The following RNASEH1 variants were observed in gnomAD, a reference collection of about 807,000 sequenced individuals.
The protein encoded by RNASEH1 is ribonuclease H type II.
RNASEH1 carries 27 observed loss-of-function variants against 34.6 expected under a neutral mutation model. That is an observed-to-expected ratio of 0.78 (90% CI 0.58 to 1.08). The LOEUF (loss-of-function observed/expected upper bound fraction) is 1.08. Ranked by LOEUF, RNASEH1 falls within the 50% of genes least tolerant of loss-of-function variation. The pLI is 0.00. For missense variants in RNASEH1, 349 were observed against 373.6 expected (o/e 0.93, Z 0.54); for synonymous variants, 162 against 138.4 (o/e 1.17, Z -1.20).
At chr2:3,546,272 T>C (rs1668740265) in intron 7 of RNASEH1, among the ~76,000 whole-genome samples, 1 of 152,240 alleles carries the variant, frequency 6.6e-6, no homozygotes, top group Admixed American at 6.5e-5. Flanking sequence ...TTTACATTTA[T>C]GTTGCCAAAG....
Position 3,558,270 on chromosome 2 carries a change from C to G in RNASEH1, c.-10G>C, listed in dbSNP as rs756656582. The G allele has an allele frequency of 6.4e-7, 1 of 1,561,914 alleles. No individual in the cohort carries two copies. Among genetic ancestry groups the G allele is most frequent in the Non-Finnish European group, 8.6e-7 (1 of 1,157,806 alleles). ...ACAGAAGCCAGCTCATCGCTCACTC[C>G]CGGCACCGGGAAGCATTTCGACTCC... On this transcript the variant is annotated 5_prime_UTR_variant, in exon 1 of 8. Transcript: ENST00000315212.
intron 3 of RNASEH1, among the ~76,000 whole-genome samples, chr2:3,551,940 G>C (rs1174033802): frequency 1.3e-5 from 2 of 152,174 alleles, no homozygotes; most frequent in Non-Finnish European, 2.9e-5. Flanking sequence ...TACATGTAAG[G>C]GTTTTCCTAA....
chr2:3,538,207 C>T (rs1293171386), downstream of RNASEH1, among the ~76,000 whole-genome samples: 6 of 151,478 alleles, frequency 4.0e-5, no homozygotes, highest in East Asian at 7.8e-4. Context: ...AAAAAGTAGC[C>T]GGGCGTGGTG....
intron 1 of RNASEH1, chr2:3,557,827 T>C: frequency 7.4e-7 from 1 of 1,347,728 alleles, no homozygotes. Context: ...TACGTGTCAC[T>C]TTTTGTTGCA....
rs1339385932 is a variant in RNASEH1, at chr2:3,548,906, T to C, written c.564+152A>G. On this transcript the variant is annotated intron_variant, in intron 5 of 7. Transcript: ENST00000315212. ...ATTTGAAATAAGTTTTTAGAATTTT[T>C]CTACAAAATTCCTATTTTTCAAAAT... The C allele has an allele frequency of 7.2e-6, 6 of 836,408 alleles. No individual in the cohort carries two copies. The African/African-American group carries it at 1.0e-4, about 14-fold the overall frequency. 51.8% of individuals were successfully genotyped at this position (836,408 alleles called of 1,614,324 possible). A position where few individuals can be genotyped will look rare whatever the true frequency, so the allele number is the denominator to read the frequency against.
intron 2 of RNASEH1, among the ~76,000 whole-genome samples, chr2:3,556,068 G>A (rs768055147): frequency 4.6e-5 from 7 of 152,054 alleles, no homozygotes; most frequent in South Asian, 2.1e-4. Context: ...CAGCTACTCC[G>A]GAAGCTGAAG....
Position 3,544,619 on chromosome 2 carries a change from G to A in RNASEH1, c.*1166C>T, listed in dbSNP as rs1182831652. Among the ~76,000 whole-genome samples the A allele has an allele frequency of 2.0e-5, 3 of 152,080 alleles. No individual in the cohort carries two copies. Among genetic ancestry groups the A allele is most frequent in the Non-Finnish European group, 4.4e-5 (3 of 68,024 alleles). ...TTGGGAGAGCCTCCTGGGGTATCTGGCAAAGTACTATTTCTTCACCAGGTG... is the reference window on the plus strand; with the variant it reads ...TTGGGAGAGCCTCCTGGGGTATCTGACAAAGTACTATTTCTTCACCAGGTG... On this transcript the variant is annotated 3_prime_UTR_variant, in exon 8 of 8. Coordinates refer to ENST00000315212, the MANE Select transcript of RNASEH1 (RefSeq NM_002936.6).
At chr2:3,532,225 A>G in the RNASEH1 span, 1 of 701,730 alleles carries the variant, frequency 1.4e-6, no homozygotes, top group African/African-American at 1.7e-5. Context: ...CAAGGCATTC[A>G]CTCCGTCTGC....
chr2:3,546,774 A>G (rs1416998841), intron 7 of RNASEH1, among the ~76,000 whole-genome samples: 1 of 152,232 alleles, frequency 6.6e-6, no homozygotes, highest in Non-Finnish European at 1.5e-5. Context: ...CCATCTCAAA[A>G]CAATAAAAAA....
At chr2:3,532,251 C>T in the RNASEH1 span, 2 of 702,260 alleles carry the variant, frequency 2.8e-6, no homozygotes, top group Non-Finnish European at 2.6e-6. Context: ...TTTCTCATGA[C>T]CCTCATGTTA....
At chr2:3,558,024 C>A in intron 1 of RNASEH1, 109 bp downstream of exon 1, 1 of 1,481,152 alleles carries the variant, frequency 6.8e-7, no homozygotes, top group Non-Finnish European at 9.0e-7. Flanking sequence ...AGCCACAGCG[C>A]GCGGCACAGA....
Position 3,548,742 on chromosome 2 carries a change from A to G in RNASEH1, c.565-18T>C. 6.3e-7 allele frequency: 1 copy of G among 1,577,892 alleles called. No individual in the cohort carries two copies. Among genetic ancestry groups the G allele is most frequent in the Non-Finnish European group, 8.7e-7 (1 of 1,149,412 alleles). On this transcript the variant is annotated intron_variant, in intron 5 of 7. Transcript: ENST00000315212. ...CAGGCTGCCTTGAAAAGACAAGTCG[A>G]TAGTCATGCTACAGAAAATGTTCAA... is the stretch of plus-strand genomic sequence containing the variant.
Position 3,543,775 on chromosome 2 carries a change from T to G in RNASEH1, c.*2010A>C, listed in dbSNP as rs1208732825. 1.3e-5 allele frequency among the ~76,000 whole-genome samples: 2 copies of G among 151,840 alleles called. No homozygotes were observed. Among genetic ancestry groups the G allele is most frequent in the East Asian group, 3.9e-4 (2 of 5,190 alleles). On this transcript the variant is annotated 3_prime_UTR_variant, in exon 8 of 8. Coordinates refer to ENST00000315212, the MANE Select transcript of RNASEH1 (RefSeq NM_002936.6). ...ACAGGCAGGCACTACCACACCCACC[T>G]GATTTTATTTTAATTTTCTGTAGAG...
downstream of RNASEH1, among the ~76,000 whole-genome samples, chr2:3,538,431 C>T (rs1330708224): frequency 6.6e-6 from 1 of 152,014 alleles, no homozygotes; most frequent in Non-Finnish European, 1.5e-5. Flanking sequence ...AGTCTCATTA[C>T]CGCCCTGTTC....
downstream of RNASEH1, among the ~76,000 whole-genome samples, chr2:3,537,102 A>G (rs1250786479): frequency 6.6e-6 from 1 of 152,248 alleles, no homozygotes; most frequent in East Asian, 1.9e-4. Flanking sequence ...CCTAAATGTG[A>G]TCCCCATCAA....
rs140048476 is a variant in RNASEH1 at position 3,546,004 on chromosome 2, G to C, written c.775-133C>G. 1.5e-4 allele frequency: 100 copies of C among 676,852 alleles called. No individual in the cohort carries two copies. The Middle Eastern group carries it at 2.8e-3, about 19-fold the overall frequency. 41.9% of individuals were successfully genotyped at this position (676,852 alleles called of 1,614,324 possible). A position where few individuals can be genotyped will look rare whatever the true frequency, so the allele number is the denominator to read the frequency against. ...CTCAACTTCAACGCTCCTCTCCCCA[G>C]ACATGATCCTCAACAGCACGCTGTC... On this transcript the variant is annotated intron_variant, in intron 7 of 7. Coordinates refer to ENST00000315212, the MANE Select transcript of RNASEH1 (RefSeq NM_002936.6).
intron 2 of RNASEH1, 130 bp downstream of exon 2, chr2:3,556,659 T>C: frequency 1.6e-6 from 1 of 633,326 alleles, no homozygotes; most frequent in Non-Finnish European, 2.9e-6. Context: ...TGTTCCCTAA[T>C]TTGTAAAATG....
At position 3,543,328 on chromosome 2, in the gene RNASEH1, C is replaced by T. The variant is rs190132802; in HGVS notation, c.*2457G>A. Among the ~76,000 whole-genome samples the T allele has an allele frequency of 4.1e-4, 62 of 152,306 alleles. No individual in the cohort carries two copies. In the East Asian group the frequency reaches 9.1e-3, roughly 22 times the overall value. On this transcript the variant is annotated 3_prime_UTR_variant, in exon 8 of 8. Transcript: ENST00000315212. Reference sequence around the variant, plus strand: ...ACCCAGCTGAAGAAACTATTTTCTGCTCAATTAAACTGCTAACTTGTCTAA... The same window carrying T: ...ACCCAGCTGAAGAAACTATTTTCTGTTCAATTAAACTGCTAACTTGTCTAA...
At chr2:3,537,656 G>C (rs1178089723), downstream of RNASEH1, among the ~76,000 whole-genome samples, 1 of 152,084 alleles carries the variant, frequency 6.6e-6, no homozygotes, top group Non-Finnish European at 1.5e-5. Flanking sequence ...AGGAGGTGGA[G>C]GCTGCAGTAA....
Sources: gnomAD v4.1 joint callset for allele counts (sites outside exome capture counted in the v4.1 genomes callset) on GRCh38, gnomAD v4.1.1 for gene constraint, MANE v1.5 for transcripts, NCBI Gene and HGNC (gene_info 2026-07-23, HGNC 2026-07-21) for gene names.